THSD1: variants seen among roughly 807,000 people sequenced by gnomAD.
The protein encoded by THSD1 is thrombospondin type-1 domain-containing protein 1.
THSD1 carries 34 observed loss-of-function variants against 46.3 expected under a neutral mutation model. That is an observed-to-expected ratio of 0.74 (90% CI 0.56 to 0.98). The LOEUF is 0.98. Ranked by LOEUF, THSD1 falls within the 50% of genes least tolerant of loss-of-function variation. The pLI is 0.00. For missense variants in THSD1, 1,023 were observed against 1,058.3 expected (o/e 0.97, Z 0.46); for synonymous variants, 407 against 416.5 (o/e 0.98, Z 0.28).
chr13:52,401,401 G>A (rs928426751), intron 2 of THSD1, among the ~76,000 whole-genome samples: 2 of 151,870 alleles, frequency 1.3e-5, no homozygotes, highest in Admixed American at 6.6e-5. Context: ...CCGGGTTCAC[G>A]CCATTCCCTG....
Position 52,398,050 on chromosome 13 carries a change from G to C in THSD1, c.203C>G (p.Thr68Ser). 6.2e-7 allele frequency: 1 copy of C among 1,614,164 alleles called. No homozygotes were observed. Among genetic ancestry groups the C allele is most frequent in the East Asian group, 2.2e-5 (1 of 44,872 alleles). The change falls in exon 3 of 5, where the codon ACC (threonine) becomes AGC (serine). Residue 68 changes from threonine (T) to serine (S), a missense_variant. Physicochemically the swap from Thr to Ser is moderately conservative, Grantham distance 58 (BLOSUM62 1). Around this residue, in one of 3 missense-constraint regions of THSD1, gnomAD observed 429 missense variants for 518.3 expected, o/e 0.83. Transcript: ENST00000258613. ...NVSVLLLEAN[T>S]NQTVTTKYLL... The stretch of plus-strand genomic sequence containing the variant: ...GTACTTGGTAGTTACAGTCTGATTG[G>C]TGTTGGCCTCCAACAGCAGGACAGA...
At chr13:52,400,012 C>A in intron 2 of THSD1, 1 of 153,614 alleles carries the variant, frequency 6.5e-6, no homozygotes, top group South Asian at 1.9e-4. Context: ...CAGGCTGGTC[C>A]GATGGTAGCA....
rs1289592943 is a variant in THSD1 at position 52,378,461 on chromosome 13, C to T, written c.1509G>A (p.Pro503=). The change falls in exon 5 of 5, where the codon CCG becomes CCA. Residue 503 remains proline, a synonymous_variant. Transcript: ENST00000258613. The part of the protein sequence containing the change: ...GIPLTYRRSG[P]VPPEDDASGS... Reference sequence around the variant, plus strand: ...CAGAGGCATCATCCTCGGGAGGTACCGGCCCGCTCCGCCTGTAGGTCAGAG... The same window carrying T: ...CAGAGGCATCATCCTCGGGAGGTACTGGCCCGCTCCGCCTGTAGGTCAGAG... The T allele has an allele frequency of 3.1e-6, 5 of 1,614,158 alleles. No homozygotes were observed. In the South Asian group the frequency reaches 5.5e-5, roughly 18 times the overall value.
chr13:52,391,827 G>A (rs1957775005), intron 3 of THSD1, among the ~76,000 whole-genome samples: 1 of 151,918 alleles, frequency 6.6e-6, no homozygotes, highest in Admixed American at 6.6e-5. Flanking sequence ...ACAGGCGTGA[G>A]CCACCGCAGC....
intron 2 of THSD1, among the ~76,000 whole-genome samples, chr13:52,401,049 A>G (rs1474369483): frequency 6.6e-6 from 1 of 152,018 alleles, no homozygotes; most frequent in African/African-American, 2.4e-5. Flanking sequence ...ATCTCGGCTC[A>G]CCACAACCTC....
intron 1 of THSD1, among the ~76,000 whole-genome samples, chr13:52,405,345 A>G (rs1957898653): frequency 6.6e-6 from 1 of 152,264 alleles, no homozygotes; most frequent in South Asian, 2.1e-4. Context: ...CATGGGACCA[A>G]TGATTCGTGA....
intron 3 of THSD1, among the ~76,000 whole-genome samples, chr13:52,387,058 T>G (rs945464790): frequency 1.3e-5 from 2 of 152,068 alleles, no homozygotes; most frequent in Admixed American, 1.3e-4. Flanking sequence ...CTCCCTCTAC[T>G]CCAGGCTAGC....
chr13:52,398,325 C>CAG, intron 2 of THSD1, 131 bp from the exon 3 acceptor site: 1 of 1,408,016 alleles, frequency 7.1e-7, no homozygotes, highest in Non-Finnish European at 9.5e-7. Flanking sequence ...GGCTAGAGTG[C>CAG]AGTGGCGCAA....
intron 1 of THSD1, among the ~76,000 whole-genome samples, chr13:52,405,399 C>A (rs534427154): frequency 4.6e-5 from 7 of 152,354 alleles, no homozygotes; most frequent in African/African-American, 1.4e-4. Context: ...TCCCTTCTGA[C>A]CAACATGCAC....
chr13:52,389,063 C>T (rs1051793950), intron 3 of THSD1, among the ~76,000 whole-genome samples: 2 of 151,614 alleles, frequency 1.3e-5, no homozygotes, highest in South Asian at 2.1e-4. Context: ...CAGGTTCAAG[C>T]GATTCTCATG....
At chr13:52,396,928 A>G (rs951048567) in intron 3 of THSD1, among the ~76,000 whole-genome samples, 3 of 152,184 alleles carry the variant, frequency 2.0e-5, no homozygotes, top group Middle Eastern at 3.2e-3. Flanking sequence ...TTTATTCAGC[A>G]CTTCCTAAAT....
chr13:52,378,808 CAAAA>C lies in THSD1; in HGVS notation c.1181-23_1181-20del. The C allele has an allele frequency of 6.5e-7, 1 of 1,542,366 alleles. No homozygotes were observed. The highest frequency in any genetic ancestry group is 8.7e-7 in the Non-Finnish European group (1 of 1,153,576). On this transcript the variant is annotated intron_variant, in intron 4 of 4. Coordinates refer to ENST00000258613, the MANE Select transcript of THSD1 (RefSeq NM_018676.4). ...TGGAAAGCTGCAAAAAAAAACAAAACAAAACAAACAAACAAAAAACACAGAGGAA... is the reference window on the plus strand; with the variant it reads ...TGGAAAGCTGCAAAAAAAAACAAAACCAAACAAACAAAAAACACAGAGGAA...
rs1190403591 is a variant in THSD1 at position 52,401,305 on chromosome 13, C to CT, written c.58+1237dup. 8.2e-3 allele frequency among the ~76,000 whole-genome samples: 1,142 copies of CT among 138,584 alleles called. 18 individuals carry two copies. The highest frequency in any genetic ancestry group is 0.027 in the African/African-American group (1,034 of 37,810). The allele number at this position is 138,584 out of a possible 152,430, so 90.9% of individuals were successfully genotyped here. Reference sequence around the variant, plus strand: ...TCGGTTTTTAAGAAGGGATAAATTACTTTTTTTTTTTTGAGACAGAGTCTC... The same window carrying CT: ...TCGGTTTTTAAGAAGGGATAAATTACTTTTTTTTTTTTTGAGACAGAGTCTC... On this transcript the variant is annotated intron_variant, in intron 2 of 4. Transcript: ENST00000258613.
intron 3 of THSD1, 120 bp downstream of exon 3, chr13:52,397,112 A>G: frequency 2.2e-6 from 2 of 894,616 alleles, no homozygotes; most frequent in South Asian, 3.6e-5. Flanking sequence ...CAATTGGTAC[A>G]TTATAAGGCA....
chr13:52,393,055 A>G (rs931908240), intron 3 of THSD1, among the ~76,000 whole-genome samples: 4 of 152,150 alleles, frequency 2.6e-5, no homozygotes, highest in Admixed American at 2.6e-4. Flanking sequence ...AGTCAATTGC[A>G]TAGAAGGCAG....
At position 52,377,824 on chromosome 13, in the gene THSD1, T is replaced by A. The variant is rs374761282; in HGVS notation, c.2146A>T (p.Ser716Cys). ...PEKLEHFQEA[S>C]GTRGPLNPLP... ...GGGTTTAATGGACCACGGGTTCCAC[T>A]TGCCTCTTGGAAATGCTCCAGTTTT... The change falls in exon 5 of 5, where the codon AGT (serine) becomes TGT (cysteine). Residue 716 changes from serine (S) to cysteine (C), a missense_variant. Physicochemically the swap from Ser to Cys is moderately radical, Grantham distance 112. Coordinates refer to ENST00000258613, the MANE Select transcript of THSD1 (RefSeq NM_018676.4). 3.0e-4 allele frequency: 485 copies of A among 1,614,094 alleles called. No individual in the cohort carries two copies. Among genetic ancestry groups the A allele is most frequent in the Non-Finnish European group, 3.6e-4 (425 of 1,180,042 alleles).
Position 52,403,938 on chromosome 13 carries a change from A to ATTTTTTTTTT in THSD1, c.-81-1267_-81-1258dup, listed in dbSNP as rs67802176. Reference sequence around the variant, plus strand: ...GTTTAAGGTCCCCCCCATTATTCACATTTTTTTTTTTTTTTTTTTTTTTTT... The same window carrying ATTTTTTTTTT: ...GTTTAAGGTCCCCCCCATTATTCACATTTTTTTTTTTTTTTTTTTTTTTTTTTTTTTTTTT... On this transcript the variant is annotated intron_variant, in intron 1 of 4. Coordinates refer to ENST00000258613, the MANE Select transcript of THSD1 (RefSeq NM_018676.4). Among the ~76,000 whole-genome samples the ATTTTTTTTTT allele has an allele frequency of 4.1e-4, 26 of 63,918 alleles. 3 individuals are homozygous for ATTTTTTTTTT. In the East Asian group the frequency reaches 0.011, roughly 26 times the overall value. 41.9% of individuals were successfully genotyped at this position (63,918 alleles called of 152,430 possible). A position where few individuals can be genotyped will look rare whatever the true frequency, so the allele number is the denominator to read the frequency against.
intron 4 of THSD1, chr13:52,384,031 C>T (rs1229288057): frequency 9.8e-6 from 3 of 306,334 alleles, no homozygotes; most frequent in South Asian, 2.9e-5. Context: ...AGAGAAACCC[C>T]GTCTCTACTG....
intron 4 of THSD1, 130 bp downstream of exon 4, chr13:52,385,898 A>G: frequency 2.6e-6 from 2 of 783,620 alleles, no homozygotes; most frequent in Non-Finnish European, 4.0e-6. Flanking sequence ...AGTACAACCA[A>G]CAGCAATCAC....
Sources: allele counts gnomAD v4.1 joint callset (sites outside exome capture counted in the v4.1 genomes callset), GRCh38; gene constraint gnomAD v4.1.1; regional missense constraint gnomAD v4.1.1; transcripts MANE v1.5; gene names NCBI Gene and HGNC (gene_info 2026-07-23, HGNC 2026-07-21).